Variants in KCNA2 observed in about 807,000 individuals in gnomAD.
The protein encoded by KCNA2 is potassium channel, voltage gated shaker related subfamily A, member 2.
In KCNA2, 11 loss-of-function variants were observed where a neutral mutation model predicts 33.4. The observed-to-expected ratio is 0.33, with a 90% CI of 0.21 to 0.55. The LOEUF (loss-of-function observed/expected upper bound fraction) is 0.55. Among genes scored for constraint, KCNA2 ranks in the 20% least tolerant of loss-of-function variants. The probability of loss-of-function intolerance (pLI) is 0.93; values close to 1 mark genes in which losing one functional copy is unlikely to be tolerated. For synonymous variants in KCNA2, 222 were observed against 231.3 expected (o/e 0.96, Z 0.37); for missense variants, 291 against 621.6 (o/e 0.47, Z 5.66).
chr1:110,602,540 G>T lies in KCNA2; in HGVS notation c.*743C>A. ...TTGTGACCCTGGAGCCTGCAAAAAT[G>T]GTGAAATCAGAGGCTTAGAGGTCTG... On this transcript the variant is annotated 3_prime_UTR_variant, in exon 3 of 3. Transcript: ENST00000316361. 9.4e-7 allele frequency: 1 copy of T among 1,065,230 alleles called. No individual in the cohort carries two copies. Among genetic ancestry groups the T allele is most frequent in the South Asian group, 3.5e-5 (1 of 28,650 alleles). 66.0% of individuals were successfully genotyped at this position (1,065,230 alleles called of 1,614,324 possible).
rs1649141166 is a variant in KCNA2, at chr1:110,597,405, G to T, written c.*5878C>A. On this transcript the variant is annotated 3_prime_UTR_variant, in exon 3 of 3. Transcript: ENST00000316361. The stretch of plus-strand genomic sequence containing the variant: ...AAAGTCAACAAAATGGGCTGAAAAG[G>T]TCACACAAACTTAGGATTTTCATGC... 3 of 985,402 alleles carry T rather than the reference G, an allele frequency of 3.0e-6. No individual in the cohort carries two copies. Among genetic ancestry groups the T allele is most frequent in the Middle Eastern group, 5.2e-4 (1 of 1,914 alleles). The allele number at this position is 985,402 out of a possible 1,614,324, so 61.0% of individuals were successfully genotyped here.
In KCNA2 at chr1:110,594,071, C is replaced by G; in HGVS notation, c.*9212G>C. On this transcript the variant is annotated 3_prime_UTR_variant, in exon 3 of 3. Transcript: ENST00000316361. ...ACCCCAGTTCCCTTTCGGCATCATC[C>G]TTACGAAGCTTTACCATCAGCCTTG... 6.9e-7 allele frequency: 1 copy of G among 1,449,026 alleles called. No individual in the cohort carries two copies. The highest frequency in any genetic ancestry group is 2.6e-5 in the East Asian group (1 of 37,912). The allele number at this position is 1,449,026 out of a possible 1,614,324, so 89.8% of individuals were successfully genotyped here. A position where few individuals can be genotyped will look rare whatever the true frequency, so the allele number is the denominator to read the frequency against.
intron 1 of KCNA2, among the ~76,000 whole-genome samples, chr1:110,614,084 A>G (rs1394116396): frequency 6.6e-6 from 1 of 152,216 alleles, no homozygotes. Context: ...ACCTGTGGCC[A>G]TAGAGAGCAA....
chr1:110,595,747 T>C lies in KCNA2; in HGVS notation c.*7536A>G, dbSNP rs142188377. On this transcript the variant is annotated 3_prime_UTR_variant, in exon 3 of 3. Transcript: ENST00000316361. ...CACACCCTCAACTTAGGTTTAGTCA[T>C]AATAAAAAACAGAATGGATTTGTTA... is the stretch of plus-strand genomic sequence containing the variant. 3.3e-3 allele frequency: 3,236 copies of C among 985,426 alleles called. 6 individuals carry two copies. Among genetic ancestry groups the C allele is most frequent in the Non-Finnish European group, 3.6e-3 (2,994 of 829,912 alleles). The allele number at this position is 985,426 out of a possible 1,614,324, so 61.0% of individuals were successfully genotyped here.
In KCNA2 at chr1:110,594,803, C is replaced by G; in HGVS notation, c.*8480G>C. Reference sequence around the variant, plus strand: ...GGCCTCTCTTCTTGCTTTTCTATCCCATTTCTTAGCCTGGAGCTGATGTGC... The same window carrying G: ...GGCCTCTCTTCTTGCTTTTCTATCCGATTTCTTAGCCTGGAGCTGATGTGC... On this transcript the variant is annotated 3_prime_UTR_variant, in exon 3 of 3. Coordinates refer to ENST00000316361, the MANE Select transcript of KCNA2 (RefSeq NM_004974.4). 1 of 985,596 alleles carries G rather than the reference C, an allele frequency of 1.0e-6. No homozygotes were observed. The highest frequency in any genetic ancestry group is 1.2e-6 in the Non-Finnish European group (1 of 830,076). 61.1% of individuals were successfully genotyped at this position (985,596 alleles called of 1,614,324 possible).
chr1:110,593,855 C>A lies in KCNA2; in HGVS notation c.*9428G>T, dbSNP rs766543853. 6.5e-6 allele frequency: 10 copies of A among 1,549,162 alleles called. No homozygotes were observed. In the South Asian group the frequency reaches 1.1e-4, roughly 17 times the overall value. ...CCTGGGTGGGGCAGTGTTGGTGGGG[C>A]TGAAAGCTTCCAGAATATGTCAGCA... On this transcript the variant is annotated 3_prime_UTR_variant, in exon 3 of 3. Coordinates refer to ENST00000316361, the MANE Select transcript of KCNA2 (RefSeq NM_004974.4).
At position 110,594,422 on chromosome 1, in the gene KCNA2, G is replaced by A. The variant is rs1649007702; in HGVS notation, c.*8861C>T. ...GCACACAGGTCTGGAAAAGGAAATA[G>A]CATCCTCCACTCATGAGCTTTACAG... On this transcript the variant is annotated 3_prime_UTR_variant, in exon 3 of 3. Coordinates refer to ENST00000316361, the MANE Select transcript of KCNA2 (RefSeq NM_004974.4). 2.0e-6 allele frequency: 2 copies of A among 985,054 alleles called. No individual in the cohort carries two copies. Among genetic ancestry groups the A allele is most frequent in the African/African-American group, 1.8e-5 (1 of 57,112 alleles). 61.0% of individuals were successfully genotyped at this position (985,054 alleles called of 1,614,324 possible).
In KCNA2 at chr1:110,598,395, G is replaced by T. The variant is rs1012822737; in HGVS notation, c.*4888C>A. 1.8e-5 allele frequency: 18 copies of T among 985,340 alleles called. No homozygotes were observed. Among genetic ancestry groups the T allele is most frequent in the African/African-American group, 7.0e-5 (4 of 57,326 alleles). 61.0% of individuals were successfully genotyped at this position (985,340 alleles called of 1,614,324 possible). A position where few individuals can be genotyped will look rare whatever the true frequency, so the allele number is the denominator to read the frequency against. ...GCACACTGTTCTATAGTTTCCTTAG[G>T]GGGGAGTCAGCCTCTGTGACTCTAC... On this transcript the variant is annotated 3_prime_UTR_variant, in exon 3 of 3. Coordinates refer to ENST00000316361, the MANE Select transcript of KCNA2 (RefSeq NM_004974.4).
chr1:110,593,796 C>A lies in KCNA2; in HGVS notation c.*9487G>T. 1.4e-6 allele frequency: 2 copies of A among 1,455,960 alleles called. No homozygotes were observed. Among genetic ancestry groups the A allele is most frequent in the Non-Finnish European group, 1.9e-6 (2 of 1,069,506 alleles). The allele number at this position is 1,455,960 out of a possible 1,614,324, so 90.2% of individuals were successfully genotyped here. A position where few individuals can be genotyped will look rare whatever the true frequency, so the allele number is the denominator to read the frequency against. On this transcript the variant is annotated 3_prime_UTR_variant, in exon 3 of 3. Coordinates refer to ENST00000316361, the MANE Select transcript of KCNA2 (RefSeq NM_004974.4). Reference sequence around the variant, plus strand: ...GTATAACCTATGTACAAATATCAGACCCTACTGACACAGGAACTCTCAGCT... The same window carrying A: ...GTATAACCTATGTACAAATATCAGAACCTACTGACACAGGAACTCTCAGCT...
In KCNA2 at chr1:110,602,252, A is replaced by C. The variant is rs956885328; in HGVS notation, c.*1031T>G. ...CAAATAGTCTATTTTTTTTCCCCTG[A>C]TGGAGGGATTTTTGCCTTCTGATGG... On this transcript the variant is annotated 3_prime_UTR_variant, in exon 3 of 3. Coordinates refer to ENST00000316361, the MANE Select transcript of KCNA2 (RefSeq NM_004974.4). The C allele has an allele frequency of 5.2e-6, 8 of 1,530,258 alleles. No individual in the cohort carries two copies. The African/African-American group carries it at 1.1e-4, about 21-fold the overall frequency. The allele number at this position is 1,530,258 out of a possible 1,614,324, so 94.8% of individuals were successfully genotyped here. A position where few individuals can be genotyped will look rare whatever the true frequency, so the allele number is the denominator to read the frequency against.
intron 1 of KCNA2, among the ~76,000 whole-genome samples, chr1:110,616,281 A>G (rs1304343425): frequency 6.6e-6 from 1 of 152,108 alleles, no homozygotes; most frequent in Non-Finnish European, 1.5e-5. Flanking sequence ...GGGGCTGGCA[A>G]TGCAGCCCCA....
At chr1:110,620,083 A>G (rs1355686593) in intron 1 of KCNA2, among the ~76,000 whole-genome samples, 2 of 142,112 alleles carry the variant, frequency 1.4e-5, no homozygotes, top group Admixed American at 6.9e-5. Context: ...AGAGAGAGAG[A>G]GAGAGTGAGT....
At position 110,595,358 on chromosome 1, in the gene KCNA2, G is replaced by C. The variant is rs1230103734; in HGVS notation, c.*7925C>G. ...GTACAAGAAGTAGCCATCCAGACAG[G>C]CCACCTCAACTGCCTCAGTGCACCA... is the stretch of plus-strand genomic sequence containing the variant. On this transcript the variant is annotated 3_prime_UTR_variant, in exon 3 of 3. Transcript: ENST00000316361. 1.0e-6 allele frequency: 1 copy of C among 985,282 alleles called. No homozygotes were observed. Among genetic ancestry groups the C allele is most frequent in the East Asian group, 1.1e-4 (1 of 8,824 alleles). The allele number at this position is 985,282 out of a possible 1,614,324, so 61.0% of individuals were successfully genotyped here.
chr1:110,616,327 G>A (rs2101445537), intron 1 of KCNA2, among the ~76,000 whole-genome samples: 1 of 152,288 alleles, frequency 6.6e-6, no homozygotes, highest in Admixed American at 6.5e-5. Context: ...TCTAGTCAGG[G>A]TCAGGGGCCG....
rs1649007373 is a variant in KCNA2, at chr1:110,594,415, G to C, written c.*8868C>G. 1.0e-6 allele frequency: 1 copy of C among 984,948 alleles called. No homozygotes were observed. The highest frequency in any genetic ancestry group is 6.2e-5 in the Admixed American group (1 of 16,226). The allele number at this position is 984,948 out of a possible 1,614,324, so 61.0% of individuals were successfully genotyped here. A position where few individuals can be genotyped will look rare whatever the true frequency, so the allele number is the denominator to read the frequency against. On this transcript the variant is annotated 3_prime_UTR_variant, in exon 3 of 3. Coordinates refer to ENST00000316361, the MANE Select transcript of KCNA2 (RefSeq NM_004974.4). ...CACATAAGCACACAGGTCTGGAAAAGGAAATAGCATCCTCCACTCATGAGC... is the reference window on the plus strand; with the variant it reads ...CACATAAGCACACAGGTCTGGAAAACGAAATAGCATCCTCCACTCATGAGC...
chr1:110,613,347 C>G (rs1198014904), intron 1 of KCNA2, among the ~76,000 whole-genome samples: 1 of 152,232 alleles, frequency 6.6e-6, no homozygotes, highest in African/African-American at 2.4e-5. Flanking sequence ...GTGGAAGCAC[C>G]CTGAGGGCAG....
chr1:110,598,147 G>C lies in KCNA2; in HGVS notation c.*5136C>G. 1.2e-6 allele frequency: 1 copy of C among 846,502 alleles called. No homozygotes were observed. Among genetic ancestry groups the C allele is most frequent in the Non-Finnish European group, 1.4e-6 (1 of 703,090 alleles). 52.4% of individuals were successfully genotyped at this position (846,502 alleles called of 1,614,324 possible). ...ACCCGGCAATGGATACCTTGCCAAGGCTAGGGGAACCTCCATTGTGCAACC... is the reference window on the plus strand; with the variant it reads ...ACCCGGCAATGGATACCTTGCCAAGCCTAGGGGAACCTCCATTGTGCAACC... On this transcript the variant is annotated 3_prime_UTR_variant, in exon 3 of 3. Coordinates refer to ENST00000316361, the MANE Select transcript of KCNA2 (RefSeq NM_004974.4).
intron 1 of KCNA2, among the ~76,000 whole-genome samples, chr1:110,617,663 G>T (rs1650110442): frequency 6.6e-6 from 1 of 152,210 alleles, no homozygotes; most frequent in South Asian, 2.1e-4. Flanking sequence ...CAGTGATGAA[G>T]AGAAAAGCAC....
chr1:110,610,162 C>T (rs1649820034), upstream of KCNA2, among the ~76,000 whole-genome samples: 1 of 152,224 alleles, frequency 6.6e-6, no homozygotes. Flanking sequence ...GAGAGCCAGG[C>T]CCTGCCTTCA....
Sources: gnomAD v4.1 joint callset for allele counts (sites outside exome capture counted in the v4.1 genomes callset) on GRCh38, gnomAD v4.1.1 for gene constraint, MANE v1.5 for transcripts, NCBI Gene and HGNC (gene_info 2026-07-23, HGNC 2026-07-21) for gene names.